Variants in ARHGAP45 observed in about 807,000 individuals in gnomAD.
ARHGAP45 encodes Rho GTPase activating protein 45.
In ARHGAP45, 56 loss-of-function variants were observed where a neutral mutation model predicts 116.1. The ratio of observed to expected loss-of-function variants is 0.48; its 90% CI spans 0.39 to 0.60. The LOEUF (loss-of-function observed/expected upper bound fraction) is 0.60, where lower values mean the gene tolerates loss of function less well. Among genes scored for constraint, ARHGAP45 ranks in the 20% least tolerant of loss-of-function variants. ARHGAP45 has a pLI of 0.00. For missense variants in ARHGAP45, 1,622 were observed against 1,601.0 expected, an observed-to-expected ratio of 1.01 and a Z score of -0.22; for synonymous variants, 866 against 701.7, an observed-to-expected ratio of 1.23 and a Z score of -3.70.
Position 1,085,956 on chromosome 19 carries a change from G to A in ARHGAP45, c.3361G>A (p.Gly1121Arg), listed in dbSNP as rs150328583. The stretch of plus-strand genomic sequence containing the variant: ...ACTGCCCCCCATGAGGCTCCGTGGC[G>A]GGCGGATGACACTGGGCTCCTGCAG... ...APLPPMRLRGGRMTLGSCRER... is the reference protein window; with the variant it reads ...APLPPMRLRGRRMTLGSCRER... The change falls in exon 23 of 23, where the codon GGG (glycine) becomes AGG (arginine). Residue 1121 changes from glycine to arginine, a missense_variant. Transcript: ENST00000313093. 2.2e-5 allele frequency: 36 copies of A among 1,612,784 alleles called. No homozygotes were observed. The African/African-American group carries it at 2.9e-4, about 13-fold the overall frequency.
Position 1,083,058 on chromosome 19 carries a change from C to T in ARHGAP45, c.2736C>T (p.His912=). The T allele has an allele frequency of 3.9e-6, 6 of 1,549,266 alleles. No homozygotes were observed. The highest frequency in any genetic ancestry group is 1.2e-5 in the South Asian group (1 of 85,358). The change falls in exon 20 of 23, where the codon CAC becomes CAT. Residue 912 remains histidine, a synonymous_variant. Transcript: ENST00000313093. ...CCTCGCTGCAGTACCTGCTGCGTCA[C>T]CTACGCAGGTGAGTCCCGGCATATG... ...NRASLQYLLR[H]LRRIVEVEQD...
Position 1,086,152 on chromosome 19 carries a change from C to T in ARHGAP45, c.*146C>T, listed in dbSNP as rs913138648. ...TGGACTTCGACGTCCCACCAGCGGG[C>T]GCCTCCTCCCAGAGGCTTCCAGGAG... On this transcript the variant is annotated 3_prime_UTR_variant, in exon 23 of 23. Coordinates refer to ENST00000313093, the MANE Select transcript of ARHGAP45 (RefSeq NM_012292.5). 6.1e-5 allele frequency: 43 copies of T among 702,594 alleles called. No homozygotes were observed. Among genetic ancestry groups the T allele is most frequent in the East Asian group, 1.9e-4 (7 of 36,940 alleles). The allele number at this position is 702,594 out of a possible 1,614,324, so 43.5% of individuals were successfully genotyped here.
chr19:1,082,290 C>T (rs1252424587), intron 19 of ARHGAP45, among the ~76,000 whole-genome samples: 2 of 145,442 alleles, frequency 1.4e-5, no homozygotes, highest in East Asian at 4.0e-4. Flanking sequence ...GGGGCCGGGG[C>T]CGGGGCTCGG....
intron 10 of ARHGAP45, chr19:1,076,988 C>T (rs1335874106): frequency 1.6e-5 from 16 of 981,618 alleles, no homozygotes; most frequent in Middle Eastern, 1.0e-3. Flanking sequence ...CTCGGCCTCC[C>T]AAAGCACTGG....
upstream of ARHGAP45, chr19:1,067,139 C>T: frequency 1.7e-6 from 2 of 1,166,694 alleles, no homozygotes; most frequent in Non-Finnish European, 2.1e-6. Context: ...GGGCTGGGGG[C>T]GGGGCCTGCG....
chr19:1,084,102 G>T, intron 21 of ARHGAP45, 136 bp from the exon 22 acceptor site: 1 of 772,966 alleles, frequency 1.3e-6, no homozygotes, highest in Non-Finnish European at 2.3e-6. Flanking sequence ...TCTCGGGTTT[G>T]CTCTTGGCTG....
rs900823792 is a variant in ARHGAP45 at position 1,069,339 on chromosome 19, C to G, written c.421+595C>G. 2.0e-5 allele frequency among the ~76,000 whole-genome samples: 3 copies of G among 152,226 alleles called. No individual in the cohort carries two copies. Among genetic ancestry groups the G allele is most frequent in the African/African-American group, 7.2e-5 (3 of 41,464 alleles). On this transcript the variant is annotated intron_variant, in intron 2 of 22. Transcript: ENST00000313093. This position sits in a 1 kb window ranked among gnomAD's most constrained non-coding sequence, Gnocchi z 4.1. ...CTCCACGCGGCCGCTGACAGCCCTG[C>G]TTCCTGCCGAGTTATTTTCATCTGC...
At chr19:1,078,861 C>T (rs982481291) in intron 11 of ARHGAP45, among the ~76,000 whole-genome samples, 4 of 151,408 alleles carry the variant, frequency 2.6e-5, no homozygotes, top group South Asian at 4.2e-4. Flanking sequence ...GGACCACAGG[C>T]GTGTGCCGCC....
In ARHGAP45 at chr19:1,086,362, C is replaced by T. The variant is rs574220768; in HGVS notation, c.*356C>T. 4.0e-6 allele frequency: 1 copy of T among 251,096 alleles called. No individual in the cohort carries two copies. Among genetic ancestry groups the T allele is most frequent in the Non-Finnish European group, 7.9e-6 (1 of 126,982 alleles). 15.6% of individuals were successfully genotyped at this position (251,096 alleles called of 1,614,324 possible). Reference sequence around the variant, plus strand: ...CAGGTCATCACGGGGACGCAGGAGGCAGGCCCTGCCCTGCCCTCTCCTCAC... The same window carrying T: ...CAGGTCATCACGGGGACGCAGGAGGTAGGCCCTGCCCTGCCCTCTCCTCAC... On this transcript the variant is annotated 3_prime_UTR_variant, in exon 23 of 23. Coordinates refer to ENST00000313093, the MANE Select transcript of ARHGAP45 (RefSeq NM_012292.5).
At chr19:1,073,865 G>A in intron 5 of ARHGAP45, 83 bp from the exon 6 acceptor site, 1 of 1,530,470 alleles carries the variant, frequency 6.5e-7, no homozygotes, top group Non-Finnish European at 8.8e-7. Context: ...CCTCTCTGGG[G>A]GAGGCAGCAA....
At chr19:1,082,664 G>A (rs1309635267) in intron 19 of ARHGAP45, 176 bp from the exon 20 acceptor site, 4 of 585,016 alleles carry the variant, frequency 6.8e-6, no homozygotes, top group Non-Finnish European at 1.2e-5. Context: ...CCGGGTAGGA[G>A]GGGCAGGGCT....
In ARHGAP45 at chr19:1,083,328, A is replaced by C; in HGVS notation, c.2930A>C (p.Glu977Ala). 1 of 1,556,848 alleles carries C rather than the reference A, an allele frequency of 6.4e-7. No individual in the cohort carries two copies. Among genetic ancestry groups the C allele is most frequent in the Non-Finnish European group, 8.7e-7 (1 of 1,152,130 alleles). Residue 977 changes from glutamate to alanine, a missense_variant, in exon 21 of 23, where the codon GAG becomes GCG. By Grantham distance (107) the Glu-to-Ala change is moderately radical. Transcript: ENST00000313093. ...CACTACGGCCTGGTCTTCGAGGAGGAGCCGGAGGAGACCCCCGGGGGCCAG... is the reference window on the plus strand; with the variant it reads ...CACTACGGCCTGGTCTTCGAGGAGGCGCCGGAGGAGACCCCCGGGGGCCAG... Reference protein sequence around the residue: ...IVHYGLVFEEEPEETPGGQDE... With the variant: ...IVHYGLVFEEAPEETPGGQDE...
upstream of ARHGAP45, chr19:1,066,148 GC>G (rs946288566): frequency 3.7e-5 from 57 of 1,535,470 alleles, no homozygotes; most frequent in Admixed American, 5.9e-5. Context: ...CCAGAGATCT[GC>G]CCCTCCCACC....
In ARHGAP45 at chr19:1,082,908, G is replaced by T; in HGVS notation, c.2586G>T (p.Lys862Asn). ...ELVGLAKDSL[K>N]AEAEAKAASR... The stretch of plus-strand genomic sequence containing the variant: ...TAGGGCTGGCCAAGGACAGCCTGAA[G>T]GCAGAGGCCGAGGCCAAGGCGGCGT... Residue 862 changes from lysine (K) to asparagine (N), a missense_variant, in exon 20 of 23, where the codon AAG becomes AAT. Physicochemically the swap from Lys to Asn is moderately conservative, Grantham distance 94 (BLOSUM62 0). Coordinates refer to ENST00000313093, the MANE Select transcript of ARHGAP45 (RefSeq NM_012292.5). The T allele has an allele frequency of 6.3e-7, 1 of 1,595,458 alleles. No individual in the cohort carries two copies. The highest frequency in any genetic ancestry group is 2.3e-5 in the East Asian group (1 of 44,334).
Position 1,071,168 on chromosome 19 carries a change from G to A in ARHGAP45, c.422-1981G>A. On this transcript the variant is annotated intron_variant, in intron 2 of 22. Transcript: ENST00000313093. This position sits in a 1 kb window ranked among gnomAD's most constrained non-coding sequence, Gnocchi z 4.6. ...TGGGGCGAACGGGACCCCAGGGCGG[G>A]GTTTCCCTCGCGGGGGCGGGGCCTC... The A allele has an allele frequency of 7.5e-7, 1 of 1,326,848 alleles. No homozygotes were observed. The highest frequency in any genetic ancestry group is 3.8e-5 in the East Asian group (1 of 26,638). 82.2% of individuals were successfully genotyped at this position (1,326,848 alleles called of 1,614,324 possible).
intron 22 of ARHGAP45, among the ~76,000 whole-genome samples, 174 bp from the exon 23 acceptor site, chr19:1,085,482 ATCTG>A (rs754722921): frequency 1.8e-4 from 22 of 125,360 alleles, no homozygotes; most frequent in African/African-American, 5.0e-4. Flanking sequence ...ATGTCTCTCC[ATCTG>A]TCTGTCCCTC....
upstream of ARHGAP45, chr19:1,067,105 G>T: frequency 9.7e-7 from 1 of 1,033,412 alleles, no homozygotes. Flanking sequence ...AGCTCCCGAA[G>T]GCGGAAGCGG....
In ARHGAP45 at chr19:1,074,123, G is replaced by T; in HGVS notation, c.810G>T (p.Glu270Asp). Residue 270 changes from glutamate to aspartate, a missense_variant, in exon 7 of 23, where the codon GAG (glutamate) becomes GAT (aspartate). Glu to Asp is a conservative substitution (Grantham distance 45, BLOSUM62 2). This residue lies in a region of ARHGAP45 where 1,334 missense variants were observed against 1,263.8 expected (regional missense o/e 1.06). Coordinates refer to ENST00000313093, the MANE Select transcript of ARHGAP45 (RefSeq NM_012292.5). Reference sequence around the variant, plus strand: ...CTGCAGGCTGCCTGCCCGCCGAGGAGGTGGACGTGCTGCTACAGCGCTGTG... The same window carrying T: ...CTGCAGGCTGCCTGCCCGCCGAGGATGTGGACGTGCTGCTACAGCGCTGTG... ...DCDAGCLPAE[E>D]VDVLLQRCEG... 1 of 1,612,976 alleles carries T rather than the reference G, an allele frequency of 6.2e-7. No individual in the cohort carries two copies. Among genetic ancestry groups the T allele is most frequent in the African/African-American group, 1.3e-5 (1 of 75,052 alleles).
chr19:1,078,184 C>T (rs1292875007), intron 11 of ARHGAP45, 139 bp downstream of exon 11: 13 of 1,368,970 alleles, frequency 9.5e-6, no homozygotes, highest in East Asian at 2.5e-5. Context: ...TGCTCTGTCG[C>T]CCAGGCTGGA....
Sources: gnomAD v4.1 joint callset for allele counts (sites outside exome capture counted in the v4.1 genomes callset) on GRCh38, gnomAD v4.1.1 for gene constraint, gnomAD v4.1.1 regional missense constraint, Gnocchi (gnomAD v3.1) non-coding constraint, MANE v1.5 for transcripts, NCBI Gene and HGNC (gene_info 2026-07-23, HGNC 2026-07-21) for gene names.